TMPRSS15: variants seen among roughly 807,000 people sequenced by gnomAD.
TMPRSS15 encodes enteropeptidase.
In TMPRSS15, 128 loss-of-function variants were observed where a neutral mutation model predicts 125.3. That is an observed-to-expected ratio of 1.02 (90% CI 0.89 to 1.18). TMPRSS15 has a LOEUF of 1.18. Among genes scored for constraint, TMPRSS15 ranks in the 50% most tolerant of loss-of-function variants. The pLI is 0.00. For synonymous variants in TMPRSS15, 446 were observed against 423.2 expected (o/e 1.05, Z -0.66); for missense variants, 1,283 against 1,212.7 (o/e 1.06, Z -0.86).
intron 1 of TMPRSS15, among the ~76,000 whole-genome samples, chr21:18,470,719 AGAAC>A (rs553725244): frequency 2.0e-5 from 3 of 152,056 alleles, no homozygotes; most frequent in Non-Finnish European, 2.9e-5. Context: ...CTTTGCCATT[AGAAC>A]GAGAGGAAAG....
rs367904646 is a variant in TMPRSS15 at position 18,279,586 on chromosome 21, G to A, written c.2669-527C>T. Among the ~76,000 whole-genome samples the A allele has an allele frequency of 5.9e-4, 89 of 151,102 alleles. 1 individual carries two copies. The highest frequency in any genetic ancestry group is 1.7e-3 in the African/African-American group (69 of 41,214). On this transcript the variant is annotated intron_variant, in intron 22 of 24. Coordinates refer to ENST00000284885, the MANE Select transcript of TMPRSS15 (RefSeq NM_002772.3). ...CCTGACCTCGTGATCTGCCCACCTC[G>A]GCCTCCCAAAGTGCTGGGATTACAG...
intron 4 of TMPRSS15, among the ~76,000 whole-genome samples, 197 bp downstream of exon 4, chr21:18,383,430 T>C (rs1051795799): frequency 6.6e-6 from 1 of 152,212 alleles, no homozygotes; most frequent in Non-Finnish European, 1.5e-5. Flanking sequence ...TTTGGTATTT[T>C]ATAAACTTTT....
intron 1 of TMPRSS15, among the ~76,000 whole-genome samples, chr21:18,467,115 T>C (rs559684893): frequency 5.7e-4 from 87 of 152,216 alleles, no homozygotes; most frequent in African/African-American, 2.0e-3. Flanking sequence ...TGCAGGGACA[T>C]GGATGAAGCT....
intron 1 of TMPRSS15, among the ~76,000 whole-genome samples, chr21:18,452,241 A>G (rs191380040): frequency 1.2e-3 from 186 of 152,352 alleles, no homozygotes; most frequent in African/African-American, 4.3e-3. Context: ...CTATAATTTC[A>G]TAAGCATGGT....
chr21:18,332,198 C>A (rs761821093), intron 13 of TMPRSS15, 25 bp from the exon 14 acceptor site: 1 of 1,572,254 alleles, frequency 6.4e-7, no homozygotes, highest in Admixed American at 1.7e-5. Context: ...AATGGGAAAT[C>A]ATCAGTAATA....
At chr21:18,355,415 A>G (rs983337250) in intron 8 of TMPRSS15, among the ~76,000 whole-genome samples, 1 of 151,838 alleles carries the variant, frequency 6.6e-6, no homozygotes, top group African/African-American at 2.4e-5. Context: ...AATTCCATTA[A>G]CCTGCTTCAG....
At chr21:18,299,213 ATG>A (rs748228003) in intron 18 of TMPRSS15, among the ~76,000 whole-genome samples, 79 of 152,224 alleles carry the variant, frequency 5.2e-4, no homozygotes, top group Non-Finnish European at 2.2e-4. Flanking sequence ...TTTACATAAA[ATG>A]TATTTGCTAT....
intron 24 of TMPRSS15, among the ~76,000 whole-genome samples, chr21:18,271,958 T>TTTC (rs200611555): frequency 0.032 from 4,908 of 152,042 alleles, 97 homozygotes; most frequent in Non-Finnish European, 0.048. Flanking sequence ...TGTGCCACAT[T>TTTC]TTCTTTATTC....
intron 5 of TMPRSS15, among the ~76,000 whole-genome samples, chr21:18,375,120 C>T (rs978011337): frequency 3.3e-5 from 5 of 152,166 alleles, no homozygotes; most frequent in African/African-American, 1.2e-4. Context: ...CATTCTTCAA[C>T]TGACTTGGTC....
At chr21:18,341,258 A>G (rs1460713553) in intron 13 of TMPRSS15, among the ~76,000 whole-genome samples, 155 bp downstream of exon 13, 1 of 152,082 alleles carries the variant, frequency 6.6e-6, no homozygotes, top group Non-Finnish European at 1.5e-5. Flanking sequence ...TTTTGTAGAG[A>G]CAGAGTCTCG....
chr21:18,409,256 A>G (rs1222173489), intron 1 of TMPRSS15, among the ~76,000 whole-genome samples: 1 of 152,034 alleles, frequency 6.6e-6, no homozygotes, highest in Non-Finnish European at 1.5e-5. Context: ...CTGAATGCTT[A>G]CAGAATTATG....
chr21:18,376,951 T>C (rs2075850864), intron 5 of TMPRSS15, among the ~76,000 whole-genome samples: 1 of 152,174 alleles, frequency 6.6e-6, no homozygotes, highest in Non-Finnish European at 1.5e-5. Flanking sequence ...TCTCAAACTC[T>C]GTCTTCCAGG....
chr21:18,397,158 T>C (rs767328003), intron 3 of TMPRSS15, among the ~76,000 whole-genome samples: 1 of 152,140 alleles, frequency 6.6e-6, no homozygotes, highest in African/African-American at 2.4e-5. Context: ...CCAGTTGACT[T>C]GTATCTCTAT....
At chr21:18,412,711 G>A (rs968561465) in intron 1 of TMPRSS15, among the ~76,000 whole-genome samples, 3 of 152,152 alleles carry the variant, frequency 2.0e-5, no homozygotes, top group Non-Finnish European at 4.4e-5. Flanking sequence ...TTTGATTAAT[G>A]TGTCTAGTAA....
intron 10 of TMPRSS15, among the ~76,000 whole-genome samples, chr21:18,349,528 C>T (rs1470807638): frequency 1.3e-5 from 2 of 152,140 alleles, no homozygotes; most frequent in African/African-American, 4.8e-5. Context: ...AACAACAAAC[C>T]TGCCTGGATA....
At chr21:18,458,267 T>C (rs1978480483) in intron 1 of TMPRSS15, among the ~76,000 whole-genome samples, 1 of 152,196 alleles carries the variant, frequency 6.6e-6, no homozygotes, top group Non-Finnish European at 1.5e-5. Flanking sequence ...AAGCATTCTT[T>C]GGTAAGTCAC....
At chr21:18,479,825 T>C (rs900795383) in intron 1 of TMPRSS15, among the ~76,000 whole-genome samples, 20 of 152,096 alleles carry the variant, frequency 1.3e-4, no homozygotes, top group Non-Finnish European at 2.4e-4. Context: ...TGGAAGACAG[T>C]GTGGCAATTC....
Position 18,278,947 on chromosome 21 carries a change from TGAGTCTGA to T in TMPRSS15, c.2764+9_2764+16del. On this transcript the variant is annotated intron_variant, in intron 23 of 24. Transcript: ENST00000284885. Reference sequence around the variant, plus strand: ...AGGTTTTTTTTTTTTTTTTTTTTTTTGAGTCTGATAATTTACCTTGATATACAACCGTC... The same window carrying T: ...AGGTTTTTTTTTTTTTTTTTTTTTTTTAATTTACCTTGATATACAACCGTC... The T allele has an allele frequency of 1.1e-6, 1 of 884,074 alleles. No individual in the cohort carries two copies. The highest frequency in any genetic ancestry group is 1.7e-6 in the Non-Finnish European group (1 of 580,762). 54.8% of individuals were successfully genotyped at this position (884,074 alleles called of 1,614,324 possible).
intron 5 of TMPRSS15, among the ~76,000 whole-genome samples, chr21:18,372,972 TATGC>T (rs1402240868): frequency 6.6e-6 from 1 of 152,242 alleles, no homozygotes; most frequent in African/African-American, 2.4e-5. Context: ...CATATTCTTA[TATGC>T]CTACAAGATA....
Sources: gnomAD v4.1 joint callset for allele counts (sites outside exome capture counted in the v4.1 genomes callset) on GRCh38, gnomAD v4.1.1 for gene constraint, MANE v1.5 for transcripts, NCBI Gene and HGNC (gene_info 2026-07-23, HGNC 2026-07-21) for gene names.